Variants in DIAPH1 observed in about 807,000 individuals in gnomAD.
DIAPH1 encodes the protein protein diaphanous homolog 1.
Under a neutral mutation model 140.7 loss-of-function variants are expected in DIAPH1, and 46 were observed. The ratio of observed to expected loss-of-function variants is 0.33; its 90% CI spans 0.26 to 0.42. The LOEUF is 0.42. DIAPH1 is among the 10% of genes least tolerant of loss of function. DIAPH1 has a pLI of 1.00. For missense variants in DIAPH1, 1,310 were observed against 1,558.7 expected (o/e 0.84, Z 2.69); for synonymous variants, 565 against 551.6 (o/e 1.02, Z -0.34).
intron 19 of DIAPH1, among the ~76,000 whole-genome samples, chr5:141,530,455 T>C (rs879797008): frequency 6.6e-6 from 1 of 152,220 alleles, no homozygotes; most frequent in Admixed American, 6.5e-5. Flanking sequence ...AGTCTAGCCA[T>C]TTCATTTCTC....
chr5:141,578,988 G>A (rs2099896356), intron 9 of DIAPH1, 100 bp downstream of exon 9: 2 of 890,570 alleles, frequency 2.2e-6, no homozygotes, highest in Non-Finnish European at 3.8e-6. Flanking sequence ...AAAATATATA[G>A]TTGGGAGGCA....
At position 141,587,063 on chromosome 5, in the gene DIAPH1, C is replaced by T; in HGVS notation, c.279G>A (p.Leu93=). ...SLQDVSDEQV[L]VLFEQMLLDM... ...TTACCAGCATCTGTTCAAAGAGAAC[C>T]AGCACTTGTTCATCTGAAACATCTT... Residue 93 remains leucine (L), a synonymous_variant, in exon 3 of 28, where the codon CTG becomes CTA. Transcript: ENST00000389054. 1 of 1,614,118 alleles carries T rather than the reference C, an allele frequency of 6.2e-7. No homozygotes were observed. The highest frequency in any genetic ancestry group is 8.5e-7 in the Non-Finnish European group (1 of 1,179,998).
At chr5:141,588,178 T>C (rs1024668676) in intron 2 of DIAPH1, 46 bp downstream of exon 2, 1 of 1,512,332 alleles carries the variant, frequency 6.6e-7, no homozygotes, top group Non-Finnish European at 9.2e-7. Context: ...TATGATAGTG[T>C]AGGCAATGAG....
chr5:141,610,057 G>A (rs1323328237), intron 1 of DIAPH1, among the ~76,000 whole-genome samples: 1 of 152,202 alleles, frequency 6.6e-6, no homozygotes, highest in Non-Finnish European at 1.5e-5. Context: ...CAGGGCTTTG[G>A]GAGGCCAAGG....
chr5:141,527,493 A>G (rs1440143441), intron 24 of DIAPH1, 80 bp downstream of exon 24: 2 of 1,515,172 alleles, frequency 1.3e-6, no homozygotes, highest in Non-Finnish European at 1.8e-6. Flanking sequence ...ATACTGCCCT[A>G]TCTATCCTGT....
intron 26 of DIAPH1, among the ~76,000 whole-genome samples, chr5:141,524,957 C>T (rs757931303): frequency 5.3e-5 from 8 of 152,082 alleles, no homozygotes; most frequent in African/African-American, 1.4e-4. Flanking sequence ...TTGCTTGACC[C>T]GGGTACTGGA....
chr5:141,602,580 G>C (rs72792323), intron 1 of DIAPH1, among the ~76,000 whole-genome samples: 1 of 152,136 alleles, frequency 6.6e-6, no homozygotes, highest in Non-Finnish European at 1.5e-5. Flanking sequence ...TTTAAAAATC[G>C]ACCACAGTTT....
rs2099894302 is a variant in DIAPH1, at chr5:141,565,928, G to A, written c.2482+5500C>T. Among the ~76,000 whole-genome samples, 1 of 152,194 alleles carries A rather than the reference G, an allele frequency of 6.6e-6. No individual in the cohort carries two copies. The highest frequency in any genetic ancestry group is 1.5e-5 in the Non-Finnish European group (1 of 68,042). On this transcript the variant is annotated intron_variant, in intron 18 of 27. Transcript: ENST00000389054. The surrounding 1 kb of genome is among the most constrained non-coding windows in gnomAD (Gnocchi z 4.3). ...TTCTCCAGCCATGTTCAGTTGCACA[G>A]CTACAGGAGCAGGACAAAGACAGAA...
At chr5:141,584,612 C>T (rs996164099) in intron 3 of DIAPH1, among the ~76,000 whole-genome samples, 5 of 152,156 alleles carry the variant, frequency 3.3e-5, no homozygotes, top group Non-Finnish European at 7.3e-5. Flanking sequence ...GCAAAATCAA[C>T]AGCAACAAAC....
intron 18 of DIAPH1, chr5:141,561,770 A>C (rs985436895): frequency 6.6e-6 from 1 of 152,234 alleles, no homozygotes; most frequent in Non-Finnish European, 1.5e-5. Context: ...CCAAACACTG[A>C]ATCACAAGCA....
chr5:141,597,463 C>G (rs1040860963), intron 1 of DIAPH1, among the ~76,000 whole-genome samples: 12 of 152,292 alleles, frequency 7.9e-5, no homozygotes, highest in African/African-American at 2.9e-4. Context: ...GACATTTAAG[C>G]TTTAAAAAAT....
intron 1 of DIAPH1, among the ~76,000 whole-genome samples, chr5:141,617,435 G>C (rs1006995492): frequency 6.6e-6 from 1 of 152,166 alleles, no homozygotes; most frequent in Non-Finnish European, 1.5e-5. Flanking sequence ...ATTCTATTTA[G>C]AATTAAACAT....
At chr5:141,528,219 T>C (rs549321049) in intron 23 of DIAPH1, among the ~76,000 whole-genome samples, 1 of 152,186 alleles carries the variant, frequency 6.6e-6, no homozygotes, top group Non-Finnish European at 1.5e-5. Flanking sequence ...TTTCTAGCTG[T>C]TTTTTGGTGT....
intron 1 of DIAPH1, among the ~76,000 whole-genome samples, chr5:141,602,529 T>C (rs901238067): frequency 3.3e-5 from 5 of 152,224 alleles, no homozygotes; most frequent in African/African-American, 1.2e-4. Flanking sequence ...CCACAAAATT[T>C]ATCACATTTC....
At chr5:141,562,851 T>G (rs574811007) in intron 18 of DIAPH1, among the ~76,000 whole-genome samples, 15 of 152,276 alleles carry the variant, frequency 9.9e-5, no homozygotes, top group Non-Finnish European at 1.6e-4. Flanking sequence ...AGTTTTGGGT[T>G]CTAGTATGTA....
At chr5:141,564,684 C>A (rs534625840) in intron 18 of DIAPH1, 60 of 152,044 alleles carry the variant, frequency 3.9e-4, no homozygotes, top group African/African-American at 1.4e-3. Context: ...CCAAAACAAA[C>A]AAAATAACAA....
intron 1 of DIAPH1, among the ~76,000 whole-genome samples, chr5:141,601,133 A>G (rs2154597082): frequency 6.6e-6 from 1 of 152,204 alleles, no homozygotes; most frequent in Non-Finnish European, 1.5e-5. Context: ...TGTAAATTAC[A>G]AGTTAACGGG....
At position 141,515,228 on chromosome 5, in the gene DIAPH1, G is replaced by A. The variant is rs2154594773; in HGVS notation, c.*1623C>T. The A allele has an allele frequency of 6.6e-6, 1 of 152,582 alleles. No homozygotes were observed. The highest frequency in any genetic ancestry group is 1.5e-5 in the Non-Finnish European group (1 of 68,018). The allele number at this position is 152,582 out of a possible 1,614,324, so 9.5% of individuals were successfully genotyped here. A position where few individuals can be genotyped will look rare whatever the true frequency, so the allele number is the denominator to read the frequency against. On this transcript the variant is annotated 3_prime_UTR_variant, in exon 28 of 28. Coordinates refer to ENST00000389054, the MANE Select transcript of DIAPH1 (RefSeq NM_005219.5). ...GCCCCAGATGTCAGCGAGCAGGGAGGAGGTGACCCAGGGGAGCAACAGACG... is the reference window on the plus strand; with the variant it reads ...GCCCCAGATGTCAGCGAGCAGGGAGAAGGTGACCCAGGGGAGCAACAGACG...
intron 1 of DIAPH1, among the ~76,000 whole-genome samples, chr5:141,588,670 G>A (rs911330434): frequency 9.9e-5 from 15 of 152,082 alleles, no homozygotes; most frequent in African/African-American, 3.4e-4. Flanking sequence ...GGAACTCTTG[G>A]TGGTACTATA....
Sources: allele counts gnomAD v4.1 joint callset (sites outside exome capture counted in the v4.1 genomes callset), GRCh38; gene constraint gnomAD v4.1.1; non-coding constraint Gnocchi (gnomAD v3.1); transcripts MANE v1.5; gene names NCBI Gene and HGNC (gene_info 2026-07-23, HGNC 2026-07-21).